Variants in ARFGEF1 observed in about 807,000 individuals in gnomAD.
ARFGEF1 encodes brefeldin A-inhibited guanine nucleotide-exchange protein 1.
Under a neutral mutation model 231.0 loss-of-function variants are expected in ARFGEF1, and 42 were observed. The ratio of observed to expected loss-of-function variants is 0.18; its 90% CI spans 0.14 to 0.24. ARFGEF1 has a LOEUF of 0.24. Ranked by LOEUF, ARFGEF1 falls within the 10% of genes least tolerant of loss-of-function variation. The pLI is 1.00. For synonymous variants in ARFGEF1, 710 were observed against 732.3 expected (o/e 0.97, Z 0.49); for missense variants, 1,345 against 2,192.0 (o/e 0.61, Z 7.72).
rs532548465 is a variant in ARFGEF1 at position 67,331,862 on chromosome 8, A to C, written c.124+11302T>G. Among the ~76,000 whole-genome samples the C allele has an allele frequency of 3.0e-3, 456 of 152,320 alleles. 3 individuals are homozygous for C. Among genetic ancestry groups the C allele is most frequent in the Non-Finnish European group, 5.2e-3 (354 of 68,020 alleles). On this transcript the variant is annotated intron_variant, in intron 1 of 38. Transcript: ENST00000262215. ...GTTTATTTGTACCTAGCACAGGTAT[A>C]CTATGTATGGCAACCTTGCCTTAAG...
At chr8:67,311,309 C>T (rs1474658303) in intron 1 of ARFGEF1, among the ~76,000 whole-genome samples, 7 of 125,850 alleles carry the variant, frequency 5.6e-5, no homozygotes, top group Admixed American at 1.5e-4. Flanking sequence ...CCCCCCCGCC[C>T]GGCCAGCTGC....
At chr8:67,307,563 T>G (rs2128919461) in intron 1 of ARFGEF1, among the ~76,000 whole-genome samples, 1 of 152,324 alleles carries the variant, frequency 6.6e-6, no homozygotes, top group Non-Finnish European at 1.5e-5. Flanking sequence ...ATAGACGTAC[T>G]TAGCCACAAT....
chr8:67,322,269 A>G (rs1807631738), intron 1 of ARFGEF1, among the ~76,000 whole-genome samples: 1 of 152,180 alleles, frequency 6.6e-6, no homozygotes, highest in Non-Finnish European at 1.5e-5. Flanking sequence ...TAAAATGCCA[A>G]CCTTCTAGGT....
chr8:67,219,424 C>T lies in ARFGEF1; in HGVS notation c.4338+7G>A. ...CTAAGCTAAATGAAAATTGTGTATC[C>T]TCTTACCTCTGTCTGTTGTTCTGGC... On this transcript the variant is annotated splice_region_variant and intron_variant, in intron 30 of 38. Coordinates refer to ENST00000262215, the MANE Select transcript of ARFGEF1 (RefSeq NM_006421.5). 1 of 1,608,222 alleles carries T rather than the reference C, an allele frequency of 6.2e-7. No individual in the cohort carries two copies. The highest frequency in any genetic ancestry group is 8.5e-7 in the Non-Finnish European group (1 of 1,177,926).
At chr8:67,309,884 T>C (rs1305012289) in intron 1 of ARFGEF1, among the ~76,000 whole-genome samples, 2 of 152,204 alleles carry the variant, frequency 1.3e-5, no homozygotes, top group Admixed American at 6.5e-5. Context: ...ATTATTATCC[T>C]TGTTATTCTG....
intron 14 of ARFGEF1, among the ~76,000 whole-genome samples, chr8:67,265,266 A>G (rs1374755961): frequency 2.0e-5 from 3 of 152,202 alleles, no homozygotes; most frequent in Admixed American, 2.0e-4. Context: ...ACATTCACTA[A>G]AAGGCACTGC....
chr8:67,211,201 G>A (rs113688445), intron 34 of ARFGEF1, among the ~76,000 whole-genome samples: 3,487 of 151,522 alleles, frequency 0.023, 89 homozygotes, highest in South Asian at 0.047. Flanking sequence ...AAAATTAGCC[G>A]GGCATGGTGG....
Position 67,285,579 on chromosome 8 carries a change from T to TA in ARFGEF1, c.1027+2375dup, listed in dbSNP as rs1805723890. Among the ~76,000 whole-genome samples, 4 of 152,212 alleles carry TA rather than the reference T, an allele frequency of 2.6e-5. No individual in the cohort carries two copies. The South Asian group carries it at 8.3e-4, about 32-fold the overall frequency. On this transcript the variant is annotated intron_variant, in intron 7 of 38. Transcript: ENST00000262215. ...TTCATATCATCTCCAAGTATCAAAG[T>TA]ATCACCTCAGATTGGCTATTAATCA...
At position 67,197,971 on chromosome 8, in the gene ARFGEF1, T is replaced by C. The variant is rs1015608398; in HGVS notation, c.*963A>G. On this transcript the variant is annotated 3_prime_UTR_variant, in exon 39 of 39. Coordinates refer to ENST00000262215, the MANE Select transcript of ARFGEF1 (RefSeq NM_006421.5). ...TATATTCAACGTTAAATTCTGTACA[T>C]AGAGTAAAATCTACATCAAGCCCCA... The C allele has an allele frequency of 1.8e-5, 18 of 985,818 alleles. No homozygotes were observed. The highest frequency in any genetic ancestry group is 2.2e-5 in the Non-Finnish European group (18 of 829,912). 61.1% of individuals were successfully genotyped at this position (985,818 alleles called of 1,614,324 possible).
chr8:67,213,436 G>C (rs994709220), intron 33 of ARFGEF1, among the ~76,000 whole-genome samples: 2 of 152,054 alleles, frequency 1.3e-5, no homozygotes, highest in African/African-American at 2.4e-5. Flanking sequence ...TGGGAGGCAG[G>C]GTAGCAAGAT....
intron 7 of ARFGEF1, among the ~76,000 whole-genome samples, chr8:67,284,363 T>A (rs1262563238): frequency 6.6e-6 from 1 of 152,158 alleles, no homozygotes; most frequent in Non-Finnish European, 1.5e-5. Flanking sequence ...TGAAACTGAT[T>A]ACCTATAGAA....
chr8:67,306,564 C>CTT (rs10659860), intron 1 of ARFGEF1, among the ~76,000 whole-genome samples: 50,089 of 151,776 alleles, frequency 0.33, 8,542 homozygotes, highest in African/African-American at 0.41. Flanking sequence ...GCTTTTTCCA[C>CTT]TGACAGTACA....
chr8:67,321,635 T>A (rs567450617), intron 1 of ARFGEF1, among the ~76,000 whole-genome samples: 165 of 152,164 alleles, frequency 1.1e-3, no homozygotes, highest in African/African-American at 3.7e-3. Context: ...TATTTTTTTT[T>A]ATTTTTAATA....
chr8:67,213,528 T>C (rs978833326), intron 33 of ARFGEF1, among the ~76,000 whole-genome samples: 2 of 152,220 alleles, frequency 1.3e-5, no homozygotes, highest in Admixed American at 6.5e-5. Context: ...ATGATTACTT[T>C]TGTGTCAATT....
chr8:67,301,741 T>C (rs998444665), intron 2 of ARFGEF1, among the ~76,000 whole-genome samples: 9 of 152,234 alleles, frequency 5.9e-5, no homozygotes, highest in African/African-American at 2.2e-4. Flanking sequence ...TAAGTCAAAG[T>C]GAGTTTTTTT....
intron 29 of ARFGEF1, among the ~76,000 whole-genome samples, chr8:67,222,182 C>CATAT (rs60905220): frequency 0.015 from 1,774 of 117,696 alleles, 25 homozygotes; most frequent in African/African-American, 0.03. Flanking sequence ...TATATATACA[C>CATAT]ATATATATAT....
At chr8:67,338,654 G>A (rs1031034431) in intron 1 of ARFGEF1, among the ~76,000 whole-genome samples, 1 of 152,184 alleles carries the variant, frequency 6.6e-6, no homozygotes, top group African/African-American at 2.4e-5. Flanking sequence ...TCTAGAGCAA[G>A]TGTCCTAAAA....
intron 1 of ARFGEF1, among the ~76,000 whole-genome samples, chr8:67,321,770 G>A (rs776613748): frequency 1.3e-5 from 2 of 152,146 alleles, no homozygotes; most frequent in African/African-American, 2.4e-5. Flanking sequence ...GAGAACTTCT[G>A]TTTTAATGCC....
rs1313798961 is a variant in ARFGEF1 at position 67,228,145 on chromosome 8, TAC to T, written c.3422-15_3422-14del. Reference sequence around the variant, plus strand: ...CGGACAAAATCCACTGTAATATAAATACATTTTTTTTTTAGCTCAACATTAAA... The same window carrying T: ...CGGACAAAATCCACTGTAATATAAATATTTTTTTTTTAGCTCAACATTAAA... On this transcript the variant is annotated splice_polypyrimidine_tract_variant and intron_variant, in intron 24 of 38. Transcript: ENST00000262215. 1 of 1,608,994 alleles carries T rather than the reference TAC, an allele frequency of 6.2e-7. No homozygotes were observed. Among genetic ancestry groups the T allele is most frequent in the African/African-American group, 1.3e-5 (1 of 74,486 alleles).
Sources: gnomAD v4.1 joint callset for allele counts (sites outside exome capture counted in the v4.1 genomes callset) on GRCh38, gnomAD v4.1.1 for gene constraint, MANE v1.5 for transcripts, NCBI Gene and HGNC (gene_info 2026-07-23, HGNC 2026-07-21) for gene names.